The following INPP5F variants were observed in gnomAD, a reference collection of about 807,000 sequenced individuals.
INPP5F encodes inositol polyphosphate-5-phosphatase F.
A neutral mutation model predicts 137.2 loss-of-function variants in INPP5F; 97 were observed. The ratio of observed to expected loss-of-function variants is 0.71; its 90% confidence interval spans 0.60 to 0.84. The LOEUF is 0.84. Ranked by LOEUF, INPP5F falls within the 40% of genes least tolerant of loss-of-function variation. The pLI, the probability that INPP5F is intolerant of heterozygous loss-of-function variation, is 0.00. For missense variants in INPP5F, 1,271 were observed against 1,371.9 expected (o/e 0.93, Z 1.16); for synonymous variants, 504 against 476.9 (o/e 1.06, Z -0.74).
chr10:119,783,620 C>T (rs564731439), intron 3 of INPP5F, among the ~76,000 whole-genome samples: 16 of 152,280 alleles, frequency 1.1e-4, no homozygotes, highest in African/African-American at 3.6e-4. Flanking sequence ...ACCAAGATGG[C>T]TTTAGGAACT....
intron 2 of INPP5F, among the ~76,000 whole-genome samples, chr10:119,753,455 C>T (rs1564809042): frequency 2.0e-5 from 3 of 152,186 alleles, no homozygotes; most frequent in Non-Finnish European, 4.4e-5. Context: ...GACAGAGCAG[C>T]TCTGCTCTTG....
intron 3 of INPP5F, among the ~76,000 whole-genome samples, chr10:119,784,291 G>A (rs1460964399): frequency 6.6e-6 from 1 of 152,132 alleles, no homozygotes; most frequent in African/African-American, 2.4e-5. Context: ...ACTGAGTTTT[G>A]GTGGGTGTTT....
intron 12 of INPP5F, 96 bp downstream of exon 12, chr10:119,806,576 A>G (rs1445396019): frequency 5.1e-6 from 6 of 1,179,136 alleles, no homozygotes; most frequent in Non-Finnish European, 6.9e-6. Flanking sequence ...AATGTCAAAT[A>G]TTCTTTACAA....
chr10:119,752,241 G>A (rs1036504593), intron 2 of INPP5F, among the ~76,000 whole-genome samples: 1 of 152,112 alleles, frequency 6.6e-6, no homozygotes, highest in Admixed American at 6.6e-5. Context: ...TCGCAGATGT[G>A]CGGTAAGGTT....
At chr10:119,791,354 G>A (rs547745416) in intron 3 of INPP5F, among the ~76,000 whole-genome samples, 163 bp from the exon 4 acceptor site, 1 of 152,102 alleles carries the variant, frequency 6.6e-6, no homozygotes, top group South Asian at 2.1e-4. Context: ...TCTCATCATG[G>A]GACTCATAGT....
intron 2 of INPP5F, among the ~76,000 whole-genome samples, chr10:119,751,379 C>A (rs769006692): frequency 6.6e-6 from 1 of 152,058 alleles, no homozygotes; most frequent in African/African-American, 2.4e-5. Flanking sequence ...TGGAAATAAA[C>A]GTATGATTAT....
At chr10:119,774,184 C>A (rs2134166452) in intron 2 of INPP5F, among the ~76,000 whole-genome samples, 1 of 148,508 alleles carries the variant, frequency 6.7e-6, no homozygotes, top group South Asian at 2.2e-4. Context: ...ATTGCTTGAA[C>A]CCGGGAGGCA....
intron 2 of INPP5F, among the ~76,000 whole-genome samples, chr10:119,752,791 T>C (rs1848725178): frequency 6.6e-6 from 1 of 152,076 alleles, no homozygotes; most frequent in African/African-American, 2.4e-5. Context: ...TTTATATAAA[T>C]GATATTAAGT....
At chr10:119,781,898 C>T in intron 3 of INPP5F, 127 bp downstream of exon 3, 2 of 790,446 alleles carry the variant, frequency 2.5e-6, no homozygotes, top group Non-Finnish European at 3.8e-6. Context: ...ATAATTTAAT[C>T]CTAAGATTTT....
In INPP5F at chr10:119,751,168, T is replaced by C. The variant is rs757315607; in HGVS notation, c.178+12T>C. The C allele has an allele frequency of 6.9e-7, 1 of 1,442,670 alleles. No individual in the cohort carries two copies. Among genetic ancestry groups the C allele is most frequent in the Non-Finnish European group, 9.8e-7 (1 of 1,024,256 alleles). 89.4% of individuals were successfully genotyped at this position (1,442,670 alleles called of 1,614,324 possible). ...TCAACTTCATTCAGGTATGTTTCTA[T>C]AAACTCCTTAAACTTGTCAAATTTA... On this transcript the variant is annotated intron_variant, in intron 2 of 19. Transcript: ENST00000650623.
chr10:119,810,508 T>A (rs1031056904), intron 14 of INPP5F, among the ~76,000 whole-genome samples: 62 of 152,344 alleles, frequency 4.1e-4, no homozygotes, highest in African/African-American at 1.5e-3. Context: ...TAAGGTGCCC[T>A]AAAACCTCAA....
At chr10:119,751,916 C>T (rs1564808329) in intron 2 of INPP5F, among the ~76,000 whole-genome samples, 1 of 152,148 alleles carries the variant, frequency 6.6e-6, no homozygotes. Context: ...CAGGCATGAG[C>T]CACCATGCCT....
In INPP5F at chr10:119,797,569, C is replaced by A. The variant is rs1379582200; in HGVS notation, c.977C>A (p.Thr326Lys). The change falls in exon 8 of 20, where the codon ACA becomes AAA. Residue 326 changes from threonine to lysine, a missense_variant. Around this residue, in one of 6 missense-constraint regions of INPP5F, gnomAD observed 593 missense variants for 712.4 expected, o/e 0.83. Transcript: ENST00000650623. ...VHNHTLSFVQ[T>K]RGSVPVFWSQ... is the part of the protein sequence containing the mutation. ...AATCATACCCTGTCATTTGTTCAAA[C>A]ACGAGGCTCTGTGCCTGTCTTTTGG... 1 of 1,613,394 alleles carries A rather than the reference C, an allele frequency of 6.2e-7. No individual in the cohort carries two copies. Among genetic ancestry groups the A allele is most frequent in the South Asian group, 1.1e-5 (1 of 90,794 alleles).
chr10:119,726,626 G>C (rs1847901063), intron 1 of INPP5F, among the ~76,000 whole-genome samples: 1 of 152,232 alleles, frequency 6.6e-6, no homozygotes, highest in South Asian at 2.1e-4. Flanking sequence ...GCCGCCCTTG[G>C]GGCTTGGGGC....
chr10:119,797,359 A>G (rs1410016366), intron 7 of INPP5F, 102 bp from the exon 8 acceptor site: 3 of 940,694 alleles, frequency 3.2e-6, no homozygotes, highest in Admixed American at 4.9e-5. Flanking sequence ...CTGAATCCCC[A>G]AGGCTATCCT....
In INPP5F at chr10:119,780,940, G is replaced by T. The variant is rs1445701620; in HGVS notation, c.179-695G>T. 2.0e-5 allele frequency among the ~76,000 whole-genome samples: 3 copies of T among 152,206 alleles called. No individual in the cohort carries two copies. The East Asian group carries it at 5.8e-4, about 29-fold the overall frequency. The stretch of plus-strand genomic sequence containing the variant: ...TTTGGTATCCACGGGGGGTCCTGGA[G>T]CCAGTCCCCTGCAGATACCGAGGGA... On this transcript the variant is annotated intron_variant, in intron 2 of 19. Transcript: ENST00000650623.
At chr10:119,826,069 C>T (rs894251172) in intron 19 of INPP5F, 9 of 398,076 alleles carry the variant, frequency 2.3e-5, no homozygotes, top group Admixed American at 8.8e-5. Context: ...TGTCTCCCCC[C>T]ACTATCTGAA....
Position 119,796,930 on chromosome 10 carries a change from A to G in INPP5F, c.868+17A>G, listed in dbSNP as rs1384311533. 6 of 1,599,094 alleles carry G rather than the reference A, an allele frequency of 3.8e-6. No homozygotes were observed. The highest frequency in any genetic ancestry group is 5.1e-6 in the Non-Finnish European group (6 of 1,166,636). On this transcript the variant is annotated intron_variant, in intron 7 of 19. Coordinates refer to ENST00000650623, the MANE Select transcript of INPP5F (RefSeq NM_014937.4). ...ACAGAGCAGGTGAGTGGAGGGCTGTAATAGCATTCAAATCAAATCCAGGCG... is the reference window on the plus strand; with the variant it reads ...ACAGAGCAGGTGAGTGGAGGGCTGTGATAGCATTCAAATCAAATCCAGGCG...
At chr10:119,785,313 C>G (rs958358171) in intron 3 of INPP5F, among the ~76,000 whole-genome samples, 1 of 92,816 alleles carries the variant, frequency 1.1e-5, no homozygotes, top group African/African-American at 4.4e-5. Context: ...GGAGACGGAG[C>G]CTCGCTCTGT....
Sources: gnomAD v4.1 joint callset for allele counts (sites outside exome capture counted in the v4.1 genomes callset) on GRCh38, gnomAD v4.1.1 for gene constraint, gnomAD v4.1.1 regional missense constraint, MANE v1.5 for transcripts, NCBI Gene and HGNC (gene_info 2026-07-23, HGNC 2026-07-21) for gene names.